Variants in ZFHX3 observed in about 807,000 individuals in gnomAD.
The protein encoded by ZFHX3 is zinc finger homeobox protein 3.
In ZFHX3, 42 loss-of-function variants were observed where a neutral mutation model predicts 279.1. That is an observed-to-expected ratio of 0.15 (90% CI 0.12 to 0.19). The LOEUF is 0.19. Ranked by LOEUF, ZFHX3 falls within the 10% of genes least tolerant of loss-of-function variation. The pLI is 1.00. For synonymous variants in ZFHX3, 2,293 were observed against 1,957.8 expected, an observed-to-expected ratio of 1.17 and a Z score of -4.52; for missense variants, 4,981 against 4,754.0, an observed-to-expected ratio of 1.05 and a Z score of -1.40.
chr16:73,639,408 T>C (rs1383361033), intron 2 of ZFHX3, among the ~76,000 whole-genome samples: 1 of 152,216 alleles, frequency 6.6e-6, no homozygotes, highest in Admixed American at 6.5e-5. Flanking sequence ...CAAGAATCTC[T>C]AAACCATGGG....
chr16:72,787,961 G>T lies in ZFHX3; in HGVS notation c.10315C>A (p.Pro3439Thr). 1 of 1,613,912 alleles carries T rather than the reference G, an allele frequency of 6.2e-7. No homozygotes were observed. Among genetic ancestry groups the T allele is most frequent in the Non-Finnish European group, 8.5e-7 (1 of 1,179,990 alleles). Residue 3439 changes from proline to threonine, a missense_variant, in exon 10 of 10, where the codon CCT (proline) becomes ACT (threonine). Pro to Thr is a conservative substitution (Grantham distance 38, BLOSUM62 -1). This residue lies in a region of ZFHX3 where 1,034 missense variants were observed against 786.0 expected (regional missense o/e 1.32). Coordinates refer to ENST00000268489, the MANE Select transcript of ZFHX3 (RefSeq NM_006885.4). ...TTGCTTTCTGCTTCTGGCTCTTCAG[G>T]GAGTTTCGGCAGGAGGGGGGACACC... ...REVSPLLPKL[P>T]EEPEAESKSA...
chr16:73,412,427 T>C (rs189762112), intron 3 of ZFHX3, among the ~76,000 whole-genome samples: 167 of 152,218 alleles, frequency 1.1e-3, no homozygotes, highest in African/African-American at 3.6e-3. Context: ...TGAATTGCCA[T>C]GGCAGACCAG....
chr16:73,885,286 A>G (rs533183437), intron 1 of ZFHX3, among the ~76,000 whole-genome samples: 31 of 152,296 alleles, frequency 2.0e-4, no homozygotes, highest in South Asian at 4.1e-4. Flanking sequence ...AAGTATTTGC[A>G]CATCTGTGAA....
intron 3 of ZFHX3, among the ~76,000 whole-genome samples, chr16:72,894,427 G>A (rs1037817709): frequency 4.6e-5 from 7 of 152,186 alleles, no homozygotes; most frequent in Admixed American, 2.6e-4. Context: ...CTCAACCCGC[G>A]ACCCTGTTGG....
chr16:73,099,796 G>T (rs192061445), intron 7 of ZFHX3, among the ~76,000 whole-genome samples: 5 of 152,034 alleles, frequency 3.3e-5, no homozygotes, highest in Non-Finnish European at 5.9e-5. Context: ...GGAAGGGGAA[G>T]GAGAAAGCAG....
At chr16:73,182,133 A>C (rs1967810182) in intron 5 of ZFHX3, among the ~76,000 whole-genome samples, 1 of 152,190 alleles carries the variant, frequency 6.6e-6, no homozygotes, top group Non-Finnish European at 1.5e-5. Context: ...AGAAAATCCC[A>C]ACTAGAGCAT....
chr16:73,519,100 T>C (rs1310402825), intron 2 of ZFHX3, among the ~76,000 whole-genome samples: 1 of 152,180 alleles, frequency 6.6e-6, no homozygotes, highest in East Asian at 1.9e-4. Context: ...AAAGGGGAGA[T>C]CTGCTGAATT....
chr16:73,566,192 T>C (rs2020448482), intron 2 of ZFHX3, among the ~76,000 whole-genome samples: 1 of 152,204 alleles, frequency 6.6e-6, no homozygotes, highest in African/African-American at 2.4e-5. Flanking sequence ...AGTGCCTTCA[T>C]AGCCATGTGT....
intron 4 of ZFHX3, among the ~76,000 whole-genome samples, chr16:72,875,236 C>T (rs1008039975): frequency 3.3e-5 from 5 of 152,230 alleles, no homozygotes; most frequent in South Asian, 4.1e-4. Context: ...GTGGCCTGGC[C>T]GCTCTTCCAC....
intron 2 of ZFHX3, among the ~76,000 whole-genome samples, chr16:73,560,955 A>C (rs1193031461): frequency 6.6e-6 from 1 of 152,254 alleles, no homozygotes; most frequent in African/African-American, 2.4e-5. Flanking sequence ...AGTGAAAGGG[A>C]ACAAACATAA....
At chr16:73,241,898 A>G (rs1201851232) in intron 5 of ZFHX3, among the ~76,000 whole-genome samples, 2 of 150,448 alleles carry the variant, frequency 1.3e-5, no homozygotes, top group African/African-American at 4.9e-5. Flanking sequence ...CTGCTCTCTT[A>G]TTAGTATTGT....
intron 1 of ZFHX3, among the ~76,000 whole-genome samples, chr16:73,748,849 G>A (rs1036034936): frequency 6.6e-6 from 1 of 151,806 alleles, no homozygotes; most frequent in Non-Finnish European, 1.5e-5. Flanking sequence ...GTGCAATGGC[G>A]CAGTCTTCGC....
chr16:73,155,460 C>G (rs964103399), intron 5 of ZFHX3, among the ~76,000 whole-genome samples: 1 of 152,152 alleles, frequency 6.6e-6, no homozygotes. Context: ...GGAAGTGGAA[C>G]AGCCAATGGT....
At chr16:73,158,237 C>T (rs555237981) in intron 5 of ZFHX3, among the ~76,000 whole-genome samples, 3 of 152,128 alleles carry the variant, frequency 2.0e-5, no homozygotes, top group African/African-American at 7.2e-5. Context: ...CCATGAGTAC[C>T]TCGCTACAGT....
chr16:73,728,203 G>A (rs929692777), intron 1 of ZFHX3, among the ~76,000 whole-genome samples: 1 of 152,142 alleles, frequency 6.6e-6, no homozygotes, highest in Non-Finnish European at 1.5e-5. Context: ...GAGAGAGAGA[G>A]AGAAGACAGG....
chr16:72,864,347 G>C (rs776602237), intron 4 of ZFHX3, among the ~76,000 whole-genome samples: 1 of 152,122 alleles, frequency 6.6e-6, no homozygotes, highest in East Asian at 1.9e-4. Context: ...CACATGGGAA[G>C]CTTCATTAAA....
chr16:73,398,473 G>A (rs1298408958), intron 3 of ZFHX3, among the ~76,000 whole-genome samples: 2 of 152,180 alleles, frequency 1.3e-5, no homozygotes, highest in Non-Finnish European at 2.9e-5. Flanking sequence ...GTGCCGGCCT[G>A]CACTGGCTCA....
chr16:72,798,654 T>A lies in ZFHX3; in HGVS notation c.4028A>T (p.Asp1343Val), dbSNP rs2035996593. ...TGGGTCAGCAGGGGATGGTTTCAAATCTCCGCTTTGCTCTGTGCTTGCGGA... is the reference window on the plus strand; with the variant it reads ...TGGGTCAGCAGGGGATGGTTTCAAAACTCCGCTTTGCTCTGTGCTTGCGGA... ...LPSASTEQSG[D>V]LKPSPADPGS... The change falls in exon 9 of 10, where the codon GAT becomes GTT. Residue 1343 changes from aspartate to valine, a missense_variant. Physicochemically the swap from Asp to Val is radical, Grantham distance 152. Coordinates refer to ENST00000268489, the MANE Select transcript of ZFHX3 (RefSeq NM_006885.4). The A allele has an allele frequency of 6.2e-7, 1 of 1,613,006 alleles. No homozygotes were observed. The highest frequency in any genetic ancestry group is 1.3e-5 in the African/African-American group (1 of 74,670).
chr16:73,722,761 AAACTG>A (rs1313250908), intron 1 of ZFHX3, among the ~76,000 whole-genome samples: 1 of 152,212 alleles, frequency 6.6e-6, no homozygotes, highest in East Asian at 1.9e-4. Context: ...ATTTTGGTGC[AAACTG>A]GATCTTACAG....
Sources: allele counts gnomAD v4.1 joint callset (sites outside exome capture counted in the v4.1 genomes callset), GRCh38; gene constraint gnomAD v4.1.1; regional missense constraint gnomAD v4.1.1; transcripts MANE v1.5; gene names NCBI Gene and HGNC (gene_info 2026-07-23, HGNC 2026-07-21).